ARHGEF10L: variants seen among roughly 807,000 people sequenced by gnomAD.
The protein encoded by ARHGEF10L is rho guanine nucleotide exchange factor 10-like protein.
ARHGEF10L carries 69 observed loss-of-function variants against 141.2 expected under a neutral mutation model. The observed-to-expected ratio is 0.49, with a 90% CI of 0.40 to 0.60. The LOEUF is 0.60. Ranked by LOEUF, ARHGEF10L falls within the 20% of genes least tolerant of loss-of-function variation. The probability of loss-of-function intolerance (pLI) is 0.00; values close to 1 mark genes in which losing one functional copy is unlikely to be tolerated. For synonymous variants in ARHGEF10L, 711 were observed against 718.5 expected, an observed-to-expected ratio of 0.99 and a Z score of 0.17; for missense variants, 1,482 against 1,734.3, an observed-to-expected ratio of 0.85 and a Z score of 2.58.
rs941448334 is a variant in ARHGEF10L, at chr1:17,627,195, C to T, written c.1411-135C>T. ...TTGAGGTCTTGTTCTGCATCTGGTG[C>T]CATCTGTCCTGGCCTCAGGCCGGGC... On this transcript the variant is annotated intron_variant, in intron 14 of 28. Transcript: ENST00000361221. The surrounding 1 kb of genome is among the most constrained non-coding windows in gnomAD (Gnocchi z 4.0). The T allele has an allele frequency of 8.6e-6, 8 of 928,274 alleles. No individual in the cohort carries two copies. The highest frequency in any genetic ancestry group is 3.3e-5 in the African/African-American group (2 of 60,388). The allele number at this position is 928,274 out of a possible 1,614,324, so 57.5% of individuals were successfully genotyped here.
In ARHGEF10L at chr1:17,624,370, C is replaced by T; in HGVS notation, c.1201-17C>T. The stretch of plus-strand genomic sequence containing the variant: ...GCATTGAGGCGGTCTCCCTGGCCCA[C>T]ACCTGCCTTGTTTCAGTTTTCCAAG... On this transcript the variant is annotated splice_polypyrimidine_tract_variant and intron_variant, in intron 12 of 28. Transcript: ENST00000361221. The T allele has an allele frequency of 1.2e-6, 2 of 1,605,140 alleles. No homozygotes were observed. Among genetic ancestry groups the T allele is most frequent in the Non-Finnish European group, 1.7e-6 (2 of 1,172,060 alleles).
intron 1 of ARHGEF10L, among the ~76,000 whole-genome samples, chr1:17,544,888 C>T (rs186192826): frequency 1.7e-4 from 26 of 152,160 alleles, no homozygotes; most frequent in Admixed American, 3.9e-4. Context: ...TGGTGGCAGG[C>T]GAGAGAGCCT....
the ARHGEF10L span, among the ~76,000 whole-genome samples, chr1:17,531,539 C>T: frequency 4.6e-5 from 7 of 152,220 alleles, no homozygotes; most frequent in East Asian, 1.4e-3. Flanking sequence ...AGTCACTTAA[C>T]CTCTCTGGGC....
In ARHGEF10L at chr1:17,553,953, C is replaced by T. The variant is rs989116220; in HGVS notation, c.-44+14003C>T. 2.6e-5 allele frequency among the ~76,000 whole-genome samples: 4 copies of T among 152,152 alleles called. No individual in the cohort carries two copies. The East Asian group carries it at 7.7e-4, about 29-fold the overall frequency. On this transcript the variant is annotated intron_variant, in intron 1 of 28. Transcript: ENST00000361221. Reference sequence around the variant, plus strand: ...TCCATGTTAAATGTGAGAACTGAGACACAAAACGTTTAGCTAACTTTCCCA... The same window carrying T: ...TCCATGTTAAATGTGAGAACTGAGATACAAAACGTTTAGCTAACTTTCCCA...
chr1:17,629,388 A>G (rs2060555954), intron 15 of ARHGEF10L, among the ~76,000 whole-genome samples: 1 of 152,158 alleles, frequency 6.6e-6, no homozygotes. Context: ...GAGAGATCCT[A>G]TAAAATTCAG....
chr1:17,645,149 G>A (rs1444257460), intron 21 of ARHGEF10L, among the ~76,000 whole-genome samples: 1 of 152,152 alleles, frequency 6.6e-6, no homozygotes, highest in Non-Finnish European at 1.5e-5. Flanking sequence ...CCCCCACTTA[G>A]CGTCAACTGG....
At chr1:17,633,609 C>T (rs2060830249) in intron 16 of ARHGEF10L, among the ~76,000 whole-genome samples, 1 of 152,168 alleles carries the variant, frequency 6.6e-6, no homozygotes. Flanking sequence ...GCCTCAGCCT[C>T]CCAAAGTGCT....
At chr1:17,529,698 TGG>T in the ARHGEF10L span, among the ~76,000 whole-genome samples, 1 of 151,992 alleles carries the variant, frequency 6.6e-6, no homozygotes, top group African/African-American at 2.4e-5. Context: ...AGGAGGTGGG[TGG>T]CACTGGAGGA....
chr1:17,620,758 G>A lies in ARHGEF10L; in HGVS notation c.943-1106G>A, dbSNP rs1019233804. Among the ~76,000 whole-genome samples the A allele has an allele frequency of 3.8e-4, 58 of 152,262 alleles. 1 individual carries two copies. Among genetic ancestry groups the A allele is most frequent in the Non-Finnish European group, 6.8e-4 (46 of 68,028 alleles). ...TAGGGGGTCAGTCACCTCCCAACCC[G>A]AGATCGAGAGGGATGGGCTCCCCTT... On this transcript the variant is annotated intron_variant, in intron 10 of 28. Transcript: ENST00000361221.
chr1:17,520,362 T>G, the ARHGEF10L span, among the ~76,000 whole-genome samples: 3 of 152,198 alleles, frequency 2.0e-5, no homozygotes, highest in African/African-American at 7.2e-5. Flanking sequence ...GCCTGCTACT[T>G]CAACTGACAG....
intron 2 of ARHGEF10L, among the ~76,000 whole-genome samples, chr1:17,583,202 TAAAAAAAAAA>T (rs59088704): frequency 1.8e-5 from 2 of 111,786 alleles, no homozygotes; most frequent in African/African-American, 3.5e-5. Flanking sequence ...GAGCTTCATT[TAAAAAAAAAA>T]AAAAAAAAAA....
In ARHGEF10L at chr1:17,696,386, C is replaced by T. The variant is rs114088467; in HGVS notation, c.3308-462C>T. ...ACCCTGCTCTCAACAAGCTGATGGT[C>T]TCCTGGGGGTCATCATAGCTCGGGT... On this transcript the variant is annotated intron_variant, in intron 28 of 28. Coordinates refer to ENST00000361221, the MANE Select transcript of ARHGEF10L (RefSeq NM_018125.4). Among the ~76,000 whole-genome samples the T allele has an allele frequency of 3.1e-3, 469 of 152,176 alleles. 8 individuals are homozygous for T. The highest frequency in any genetic ancestry group is 0.011 in the African/African-American group (439 of 41,534).
At position 17,626,057 on chromosome 1, in the gene ARHGEF10L, C is replaced by T. The variant is rs1270989071; in HGVS notation, c.1410+9C>T. The T allele has an allele frequency of 6.2e-7, 1 of 1,613,224 alleles. No homozygotes were observed. The highest frequency in any genetic ancestry group is 1.3e-5 in the African/African-American group (1 of 74,890). On this transcript the variant is annotated intron_variant, in intron 14 of 28. Coordinates refer to ENST00000361221, the MANE Select transcript of ARHGEF10L (RefSeq NM_018125.4). The stretch of plus-strand genomic sequence containing the variant: ...TCATACTCCTGCTTCAGGTACTGCT[C>T]AGGATTCCAGCAGCTTCAACCCACA...
Position 17,625,985 on chromosome 1 carries a change from C to T in ARHGEF10L, c.1347C>T (p.Val449=). The change falls in exon 14 of 29, where the codon GTC becomes GTT. Residue 449 remains valine (V), a synonymous_variant. Transcript: ENST00000361221. The surrounding 1 kb of genome is among the most constrained non-coding windows in gnomAD (Gnocchi z 4.5). The stretch of plus-strand genomic sequence containing the variant: ...GGCAGGTGTGCAGCCCAGACCGTGT[C>T]ACCCTCTACGGGCTGATGGTCAAGC... ...KRRQVCSPDR[V]TLYGLMVKPI... 6.2e-7 allele frequency: 1 copy of T among 1,613,984 alleles called. No individual in the cohort carries two copies. Among genetic ancestry groups the T allele is most frequent in the Non-Finnish European group, 8.5e-7 (1 of 1,179,910 alleles).
the ARHGEF10L span, among the ~76,000 whole-genome samples, chr1:17,516,480 C>A: frequency 6.6e-6 from 1 of 152,126 alleles, no homozygotes; most frequent in Non-Finnish European, 1.5e-5. Context: ...TTCAAGTGAA[C>A]ACACAAAGGC....
chr1:17,664,644 T>G, intron 26 of ARHGEF10L, 49 bp downstream of exon 26: 1 of 1,467,776 alleles, frequency 6.8e-7, no homozygotes, highest in Non-Finnish European at 9.0e-7. Context: ...GCCTTCCTTT[T>G]GCTGACCCTT....
chr1:17,541,548 A>T (rs1470168351), intron 1 of ARHGEF10L, among the ~76,000 whole-genome samples: 5 of 152,294 alleles, frequency 3.3e-5, no homozygotes, highest in African/African-American at 1.2e-4. Flanking sequence ...GTATAAGAGG[A>T]GGTTGGGTGT....
chr1:17,576,784 G>A (rs1045878842), intron 1 of ARHGEF10L, among the ~76,000 whole-genome samples: 4 of 152,214 alleles, frequency 2.6e-5, no homozygotes, highest in Admixed American at 2.6e-4. Flanking sequence ...CAGTGAGAAA[G>A]GAATTCACTG....
intron 9 of ARHGEF10L, among the ~76,000 whole-genome samples, chr1:17,617,986 C>T (rs946823814): frequency 6.6e-6 from 1 of 152,178 alleles, no homozygotes; most frequent in Non-Finnish European, 1.5e-5. Context: ...TCATCTGTAA[C>T]ATGGGTTGAG....
Sources: allele counts gnomAD v4.1 joint callset (sites outside exome capture counted in the v4.1 genomes callset), GRCh38; gene constraint gnomAD v4.1.1; non-coding constraint Gnocchi (gnomAD v3.1); transcripts MANE v1.5; gene names NCBI Gene and HGNC (gene_info 2026-07-23, HGNC 2026-07-21).